Variants in WASHC3 observed in about 807,000 individuals in gnomAD.
The protein encoded by WASHC3 is WASH complex subunit 3.
In WASHC3, 24 loss-of-function variants were observed where a neutral mutation model predicts 26.1. The observed-to-expected ratio is 0.92, with a 90% CI of 0.66 to 1.29. WASHC3 has a LOEUF of 1.29. WASHC3 is among the 50% of genes most tolerant of loss of function. WASHC3 has a pLI of 0.00. For missense variants in WASHC3, 214 were observed against 229.6 expected (o/e 0.93, Z 0.44); for synonymous variants, 77 against 75.7 (o/e 1.02, Z -0.09).
At chr12:102,020,078 G>A (rs1201426759) in intron 6 of WASHC3, among the ~76,000 whole-genome samples, 1 of 152,150 alleles carries the variant, frequency 6.6e-6, no homozygotes, top group African/African-American at 2.4e-5. Flanking sequence ...ATGGATTCGA[G>A]GAAAGGCACA....
In WASHC3 at chr12:102,028,798, TAAG is replaced by T. The variant is rs1877310065; in HGVS notation, c.436-2763_436-2761del. On this transcript the variant is annotated intron_variant, in intron 5 of 6. Transcript: ENST00000240079. ...AATAAGAATTATATAATAAGAATAA[TAAG>T]AATTATATCACAATAAGAATTATAA... 2.0e-5 allele frequency among the ~76,000 whole-genome samples: 3 copies of T among 150,060 alleles called. No homozygotes were observed. The Middle Eastern group carries it at 0.01, about 525-fold the overall frequency.
intron 3 of WASHC3, among the ~76,000 whole-genome samples, chr12:102,045,506 A>G (rs1878123715): frequency 6.6e-6 from 1 of 152,198 alleles, no homozygotes; most frequent in African/African-American, 2.4e-5. Flanking sequence ...AACACATGTA[A>G]AAAAATATTA....
intron 6 of WASHC3, among the ~76,000 whole-genome samples, chr12:102,015,425 TG>T (rs1876655185): frequency 6.6e-6 from 1 of 152,260 alleles, no homozygotes; most frequent in African/African-American, 2.4e-5. Context: ...ATATAGGCTC[TG>T]GGTACAGACT....
intron 4 of WASHC3, among the ~76,000 whole-genome samples, chr12:102,041,589 A>G (rs1877941069): frequency 6.6e-6 from 1 of 152,058 alleles, no homozygotes. Context: ...TAAAAAGTGC[A>G]TTATTCTCCT....
chr12:102,046,534 C>T (rs1481293995), intron 2 of WASHC3, among the ~76,000 whole-genome samples: 2 of 152,222 alleles, frequency 1.3e-5, no homozygotes, highest in African/African-American at 4.8e-5. Flanking sequence ...ACCTCGTGAT[C>T]TGCCTGCTTG....
chr12:102,053,270 T>A (rs893315606), intron 2 of WASHC3, among the ~76,000 whole-genome samples: 2 of 151,540 alleles, frequency 1.3e-5, no homozygotes, highest in Non-Finnish European at 2.9e-5. Flanking sequence ...AGGCTTCAAG[T>A]TGGAACCCTA....
chr12:102,039,142 T>G (rs1157109953), intron 5 of WASHC3, among the ~76,000 whole-genome samples: 1 of 147,692 alleles, frequency 6.8e-6, no homozygotes, highest in African/African-American at 2.5e-5. Context: ...TTTTTTTTTT[T>G]TTTTTTTTTA....
At chr12:102,017,957 T>G (rs952665101) in intron 6 of WASHC3, among the ~76,000 whole-genome samples, 3 of 152,172 alleles carry the variant, frequency 2.0e-5, no homozygotes, top group Non-Finnish European at 4.4e-5. Flanking sequence ...TCTGTACTCA[T>G]TTAATAACAT....
chr12:102,054,867 T>C (rs367822493), intron 2 of WASHC3, among the ~76,000 whole-genome samples: 27 of 151,994 alleles, frequency 1.8e-4, no homozygotes, highest in African/African-American at 5.1e-4. Flanking sequence ...CAAATGAAAA[T>C]GGACATACAA....
intron 6 of WASHC3, among the ~76,000 whole-genome samples, chr12:102,020,091 A>G (rs990125336): frequency 1.3e-5 from 2 of 152,214 alleles, no homozygotes; most frequent in Admixed American, 1.3e-4. Flanking sequence ...AAGGCACACA[A>G]TTCAAGCAGG....
At chr12:102,042,496 C>A (rs900214480) in intron 4 of WASHC3, among the ~76,000 whole-genome samples, 1 of 152,088 alleles carries the variant, frequency 6.6e-6, no homozygotes, top group Non-Finnish European at 1.5e-5. Context: ...GCTCTTGGCA[C>A]CAGACTGTCT....
chr12:102,013,358 G>A (rs1463900499), intron 6 of WASHC3, among the ~76,000 whole-genome samples, 166 bp from the exon 7 acceptor site: 2 of 152,122 alleles, frequency 1.3e-5, no homozygotes, highest in Non-Finnish European at 2.9e-5. Flanking sequence ...GGGCTTCTTG[G>A]GCACCATGGG....
At chr12:102,026,747 A>G (rs545030097) in intron 5 of WASHC3, among the ~76,000 whole-genome samples, 1 of 152,368 alleles carries the variant, frequency 6.6e-6, no homozygotes, top group East Asian at 1.9e-4. Flanking sequence ...ATTTATTCCA[A>G]GTTCACTTGG....
intron 2 of WASHC3, among the ~76,000 whole-genome samples, chr12:102,052,848 CCCAGGCCAGCCCCATGTAGCCCAAGTTA>C (rs1333087326): frequency 1.3e-5 from 2 of 151,494 alleles, no homozygotes; most frequent in African/African-American, 2.4e-5. Flanking sequence ...TGCCGTAGGA[CCCAGGCCAGCCCCATGTAGCCCAAGTTA>C]CCAGGCCAGC....
At chr12:102,028,204 A>G (rs1877280056) in intron 5 of WASHC3, among the ~76,000 whole-genome samples, 1 of 152,226 alleles carries the variant, frequency 6.6e-6, no homozygotes, top group African/African-American at 2.4e-5. Context: ...ACTTGAATGA[A>G]ATATATTTAA....
chr12:102,025,658 A>C (rs1479269298), intron 6 of WASHC3, among the ~76,000 whole-genome samples: 1 of 149,628 alleles, frequency 6.7e-6, no homozygotes, highest in East Asian at 2.0e-4. Context: ...AAAAACAATC[A>C]AGCCAAGAAA....
chr12:102,055,651 C>G (rs1878565416), intron 2 of WASHC3, among the ~76,000 whole-genome samples: 1 of 152,152 alleles, frequency 6.6e-6, no homozygotes, highest in South Asian at 2.1e-4. Context: ...CCCATCAAAG[C>G]TTTTCAAGTA....
intron 6 of WASHC3, among the ~76,000 whole-genome samples, chr12:102,014,086 T>C (rs1298194889): frequency 2.6e-5 from 1 of 38,340 alleles, no homozygotes; most frequent in Non-Finnish European, 5.3e-5. Flanking sequence ...TTTTTTTTTT[T>C]TTTTTTTTTT....
intron 5 of WASHC3, among the ~76,000 whole-genome samples, chr12:102,039,502 T>A (rs975674499): frequency 6.6e-6 from 1 of 152,104 alleles, no homozygotes; most frequent in Non-Finnish European, 1.5e-5. Context: ...TAAAAATTTT[T>A]AAAAAATATT....
Sources: allele counts gnomAD v4.1 joint callset (sites outside exome capture counted in the v4.1 genomes callset), GRCh38; gene constraint gnomAD v4.1.1; transcripts MANE v1.5; gene names NCBI Gene and HGNC (gene_info 2026-07-23, HGNC 2026-07-21).